SDCCAG8: variants seen among roughly 807,000 people sequenced by gnomAD.
SDCCAG8 encodes serologically defined colon cancer antigen 8.
A neutral mutation model predicts 101.8 loss-of-function variants in SDCCAG8; 74 were observed. The ratio of observed to expected loss-of-function variants is 0.73; its 90% CI spans 0.60 to 0.88. SDCCAG8 has a LOEUF of 0.88. Ranked by LOEUF, SDCCAG8 falls within the 40% of genes least tolerant of loss-of-function variation. The pLI is 0.00. For missense variants in SDCCAG8, 787 were observed against 822.6 expected (o/e 0.96, Z 0.53); for synonymous variants, 281 against 292.9 (o/e 0.96, Z 0.41).
chr1:243,330,836 G>A, intron 10 of SDCCAG8, 144 bp downstream of exon 10: 1 of 756,438 alleles, frequency 1.3e-6, no homozygotes, highest in Non-Finnish European at 2.2e-6. Flanking sequence ...GTATAATTTA[G>A]AATTCATAAA....
chr1:243,474,775 C>G lies in SDCCAG8; in HGVS notation c.1986-14239C>G, dbSNP rs1053504737. ...GGGCTCGGCTAGATGCGCTCCTCCT[C>G]GGACTGGTTGAGTAAGGGAGGAGGC... is the stretch of plus-strand genomic sequence containing the variant. On this transcript the variant is annotated intron_variant, in intron 16 of 17. Coordinates refer to ENST00000366541, the MANE Select transcript of SDCCAG8 (RefSeq NM_006642.5). The surrounding 1 kb of genome is among the most constrained non-coding windows in gnomAD (Gnocchi z 4.7). Among the ~76,000 whole-genome samples the G allele has an allele frequency of 6.6e-6, 1 of 152,234 alleles. No homozygotes were observed.
intron 13 of SDCCAG8, among the ~76,000 whole-genome samples, chr1:243,414,953 A>G (rs185795329): frequency 6.6e-6 from 1 of 151,520 alleles, no homozygotes; most frequent in African/African-American, 2.4e-5. Context: ...CCCAGGTTCT[A>G]ATTGTTTAGG....
chr1:243,298,838 A>G (rs2071222473), intron 6 of SDCCAG8, among the ~76,000 whole-genome samples: 1 of 152,146 alleles, frequency 6.6e-6, no homozygotes, highest in African/African-American at 2.4e-5. Flanking sequence ...CTAATACTAT[A>G]CTGTCTTGAT....
intron 15 of SDCCAG8, among the ~76,000 whole-genome samples, chr1:243,421,441 C>T (rs1035250325): frequency 6.6e-6 from 1 of 152,180 alleles, no homozygotes; most frequent in Non-Finnish European, 1.5e-5. Context: ...GAAATGGTAC[C>T]TCCGTGTGTG....
intron 4 of SDCCAG8, among the ~76,000 whole-genome samples, chr1:243,281,057 T>C (rs2068991087): frequency 6.6e-6 from 1 of 152,210 alleles, no homozygotes; most frequent in Admixed American, 6.5e-5. Context: ...TACACTTTTA[T>C]TAGGCACATA....
At chr1:243,439,666 A>ACACACACACACACACACACAC (rs2082400113) in intron 16 of SDCCAG8, among the ~76,000 whole-genome samples, 2 of 149,190 alleles carry the variant, frequency 1.3e-5, no homozygotes, top group African/African-American at 2.5e-5. Flanking sequence ...ACACACACAC[A>ACACACACACACACACACACAC]TCATTGGAGC....
intron 16 of SDCCAG8, among the ~76,000 whole-genome samples, chr1:243,435,201 G>A (rs956176823): frequency 2.0e-5 from 3 of 152,108 alleles, no homozygotes; most frequent in Admixed American, 6.5e-5. Flanking sequence ...AGTATGCATC[G>A]TACGTAACAG....
intron 5 of SDCCAG8, 129 bp downstream of exon 5, chr1:243,286,526 T>A (rs749550494): frequency 4.2e-5 from 39 of 933,218 alleles, no homozygotes; most frequent in Non-Finnish European, 5.2e-5. Context: ...GGTATTTGTT[T>A]GAGACCTCAA....
intron 13 of SDCCAG8, among the ~76,000 whole-genome samples, chr1:243,403,294 C>G (rs557061823): frequency 1.8e-4 from 27 of 152,238 alleles, no homozygotes; most frequent in Admixed American, 1.3e-3. Flanking sequence ...GCTACCTCCC[C>G]CTGTGTAGCT....
chr1:243,488,845 C>T (rs1299810086), intron 16 of SDCCAG8, among the ~76,000 whole-genome samples, 169 bp from the exon 17 acceptor site: 1 of 152,212 alleles, frequency 6.6e-6, no homozygotes, highest in African/African-American at 2.4e-5. Flanking sequence ...TACCTTCACA[C>T]AGTGCGTACC....
intron 1 of SDCCAG8, among the ~76,000 whole-genome samples, chr1:243,266,221 G>A (rs914379202): frequency 6.6e-6 from 1 of 152,042 alleles, no homozygotes; most frequent in South Asian, 2.1e-4. Context: ...TTAAGTATAT[G>A]CACCACACTG....
intron 16 of SDCCAG8, among the ~76,000 whole-genome samples, chr1:243,429,955 G>T (rs1230075453): frequency 6.6e-6 from 1 of 151,860 alleles, no homozygotes; most frequent in Non-Finnish European, 1.5e-5. Context: ...CGCCTACCTC[G>T]GCGTCCTCTG....
At chr1:243,456,055 C>T (rs1430463591) in intron 16 of SDCCAG8, among the ~76,000 whole-genome samples, 1 of 152,138 alleles carries the variant, frequency 6.6e-6, no homozygotes, top group African/African-American at 2.4e-5. Context: ...TGTGGGAGCT[C>T]AGAGCATGGA....
In SDCCAG8 at chr1:243,308,973, C is replaced by G. The variant is rs116016149; in HGVS notation, c.929+796C>G. On this transcript the variant is annotated intron_variant, in intron 8 of 17. Coordinates refer to ENST00000366541, the MANE Select transcript of SDCCAG8 (RefSeq NM_006642.5). ...GATCACTTCCTTTTAGAAGAAGTCT[C>G]TCATCAGCTCTGCCCCATTTTGTCC... 3.5e-3 allele frequency among the ~76,000 whole-genome samples: 530 copies of G among 152,274 alleles called. 1 individual carries two copies. The highest frequency in any genetic ancestry group is 6.8e-3 in the Middle Eastern group (2 of 294).
chr1:243,278,871 A>G (rs939604917), intron 4 of SDCCAG8, among the ~76,000 whole-genome samples: 2 of 151,932 alleles, frequency 1.3e-5, no homozygotes, highest in Non-Finnish European at 2.9e-5. Flanking sequence ...TAGCCTTGAC[A>G]TCCTGGGCGC....
chr1:243,313,934 A>T (rs929604490), intron 8 of SDCCAG8, among the ~76,000 whole-genome samples: 1 of 152,186 alleles, frequency 6.6e-6, no homozygotes, highest in Non-Finnish European at 1.5e-5. Context: ...CTCAGACAAG[A>T]TGAAGCCAGA....
Position 243,423,868 on chromosome 1 carries a change from A to G in SDCCAG8, c.1854-2559A>G, listed in dbSNP as rs942533930. Among the ~76,000 whole-genome samples the G allele has an allele frequency of 3.9e-5, 6 of 152,104 alleles. No individual in the cohort carries two copies. In the South Asian group the frequency reaches 1.2e-3, roughly 31 times the overall value. On this transcript the variant is annotated intron_variant, in intron 15 of 17. Coordinates refer to ENST00000366541, the MANE Select transcript of SDCCAG8 (RefSeq NM_006642.5). ...AGGCAAATTATTCAACTTCATGTTT[A>G]CCTCACAGAGAAAAGAAAAGAAACC...
chr1:243,499,636 A>G, intron 17 of SDCCAG8, 120 bp from the exon 18 acceptor site: 1 of 800,520 alleles, frequency 1.2e-6, no homozygotes, highest in Admixed American at 2.0e-5. Context: ...ATTTTTAGCA[A>G]CAGGTTTTTT....
intron 9 of SDCCAG8, among the ~76,000 whole-genome samples, chr1:243,325,904 TG>T (rs2074113594): frequency 6.6e-6 from 1 of 152,240 alleles, no homozygotes; most frequent in Admixed American, 6.5e-5. Flanking sequence ...AGAATTCACC[TG>T]GGACTAAATG....
Sources: gnomAD v4.1 joint callset for allele counts (sites outside exome capture counted in the v4.1 genomes callset) on GRCh38, gnomAD v4.1.1 for gene constraint, Gnocchi (gnomAD v3.1) non-coding constraint, MANE v1.5 for transcripts, NCBI Gene and HGNC (gene_info 2026-07-23, HGNC 2026-07-21) for gene names.